Variants in ITGBL1 observed in about 807,000 individuals in gnomAD.
ITGBL1 encodes integrin beta-like protein 1.
A neutral mutation model predicts 68.5 loss-of-function variants in ITGBL1; 51 were observed. That is an observed-to-expected ratio of 0.74 (90% CI 0.59 to 0.94). The LOEUF (loss-of-function observed/expected upper bound fraction) is 0.94. Ranked by LOEUF, ITGBL1 falls within the 40% of genes least tolerant of loss-of-function variation. The pLI, the probability that ITGBL1 is intolerant of heterozygous loss-of-function variation, is 0.00. For missense variants in ITGBL1, 649 were observed against 647.4 expected (o/e 1.00, Z -0.03); for synonymous variants, 209 against 227.3 (o/e 0.92, Z 0.72).
intron 8 of ITGBL1, among the ~76,000 whole-genome samples, chr13:101,704,404 T>C (rs1465827141): frequency 6.8e-6 from 1 of 147,288 alleles, no homozygotes; most frequent in East Asian, 2.0e-4. Context: ...TAATGGATTT[T>C]TCAAGAAAGA....
intron 2 of ITGBL1, among the ~76,000 whole-genome samples, chr13:101,489,713 CTTTTA>C (rs965050992): frequency 7.2e-5 from 11 of 152,192 alleles, no homozygotes; most frequent in East Asian, 3.9e-4. Context: ...AGTTAGGGAA[CTTTTA>C]TTTTATTTTA....
chr13:101,527,821 A>G (rs2049405625), intron 2 of ITGBL1, among the ~76,000 whole-genome samples: 1 of 152,016 alleles, frequency 6.6e-6, no homozygotes, highest in Admixed American at 6.6e-5. Context: ...ATTTATATAC[A>G]TTCATTTGGA....
At chr13:101,543,988 A>G (rs1465656151) in intron 2 of ITGBL1, among the ~76,000 whole-genome samples, 1 of 152,006 alleles carries the variant, frequency 6.6e-6, no homozygotes, top group Non-Finnish European at 1.5e-5. Context: ...CTTCTTTGCC[A>G]TGGGTTCGAA....
intron 2 of ITGBL1, among the ~76,000 whole-genome samples, chr13:101,510,753 G>T (rs942458474): frequency 2.4e-4 from 36 of 151,990 alleles, no homozygotes; most frequent in African/African-American, 7.0e-4. Flanking sequence ...GATTAGTGAT[G>T]AGCATTTTTT....
chr13:101,521,672 T>C (rs551609733), intron 2 of ITGBL1, among the ~76,000 whole-genome samples: 1 of 152,204 alleles, frequency 6.6e-6, no homozygotes, highest in Non-Finnish European at 1.5e-5. Context: ...CCTGGCAGCA[T>C]GGAGAAGGCC....
At chr13:101,583,887 A>G (rs796578309) in intron 6 of ITGBL1, among the ~76,000 whole-genome samples, 1 of 152,192 alleles carries the variant, frequency 6.6e-6, no homozygotes, top group Non-Finnish European at 1.5e-5. Context: ...AAGTTAGTCT[A>G]ATTCCTCACC....
chr13:101,662,510 C>G (rs1481347267), intron 7 of ITGBL1, among the ~76,000 whole-genome samples: 1 of 152,102 alleles, frequency 6.6e-6, no homozygotes, highest in East Asian at 1.9e-4. Flanking sequence ...TATTTTCTGA[C>G]TTTTTTCCAT....
chr13:101,708,438 G>T (rs915593239), intron 9 of ITGBL1, among the ~76,000 whole-genome samples: 1 of 152,084 alleles, frequency 6.6e-6, no homozygotes, highest in Admixed American at 6.5e-5. Flanking sequence ...TGCTGGTCAG[G>T]ATGACCAGGT....
rs540747741 is a variant in ITGBL1 at position 101,689,267 on chromosome 13, A to AT, written c.1016-3316dup. ...ACACATAAGAAGCATAGTTAATTTT[A>AT]TTGTATTTGTGAAATTGTGTGAGTA... is the stretch of plus-strand genomic sequence containing the variant. On this transcript the variant is annotated intron_variant, in intron 7 of 10. Coordinates refer to ENST00000376180, the MANE Select transcript of ITGBL1 (RefSeq NM_004791.3). Among the ~76,000 whole-genome samples the AT allele has an allele frequency of 1.2e-3, 178 of 149,708 alleles. 4 individuals are homozygous for AT. The highest frequency in any genetic ancestry group is 0.011 in the Admixed American group (168 of 14,930).
intron 2 of ITGBL1, among the ~76,000 whole-genome samples, chr13:101,507,501 T>C (rs749159018): frequency 6.6e-6 from 1 of 152,184 alleles, no homozygotes; most frequent in Non-Finnish European, 1.5e-5. Context: ...AAAAAATATA[T>C]AAATTATTTG....
At chr13:101,677,860 G>A (rs983673936) in intron 7 of ITGBL1, among the ~76,000 whole-genome samples, 1 of 152,088 alleles carries the variant, frequency 6.6e-6, no homozygotes, top group South Asian at 2.1e-4. Context: ...ACAGTTCCCA[G>A]GTTCTGCATA....
intron 8 of ITGBL1, among the ~76,000 whole-genome samples, chr13:101,698,782 G>A (rs926422242): frequency 6.6e-6 from 1 of 152,194 alleles, no homozygotes; most frequent in Non-Finnish European, 1.5e-5. Flanking sequence ...GCACATGTGT[G>A]TTTAATTGTT....
rs1021835866 is a variant in ITGBL1, at chr13:101,464,049, C to T, written c.316+9949C>T. Among the ~76,000 whole-genome samples the T allele has an allele frequency of 4.6e-5, 7 of 152,078 alleles. No individual in the cohort carries two copies. In the East Asian group the frequency reaches 1.4e-3, roughly 29 times the overall value. On this transcript the variant is annotated intron_variant, in intron 2 of 10. Coordinates refer to ENST00000376180, the MANE Select transcript of ITGBL1 (RefSeq NM_004791.3). ...TCAGCCTCCTGAGTAGCAGGGACTA[C>T]AGGCGCCCATCATCACACCTGGCTA...
chr13:101,548,744 G>A (rs1038938276), intron 2 of ITGBL1, among the ~76,000 whole-genome samples: 2 of 151,446 alleles, frequency 1.3e-5, no homozygotes, highest in Admixed American at 1.3e-4. Context: ...GAAACAAAAG[G>A]ATTATTAGAA....
At chr13:101,649,436 TG>T (rs766768641) in intron 7 of ITGBL1, among the ~76,000 whole-genome samples, 2 of 152,180 alleles carry the variant, frequency 1.3e-5, no homozygotes, top group Non-Finnish European at 2.9e-5. Context: ...ATAAGGTCAA[TG>T]TAAGAAGGGT....
intron 2 of ITGBL1, among the ~76,000 whole-genome samples, chr13:101,541,868 G>T (rs2049711227): frequency 6.6e-6 from 1 of 152,044 alleles, no homozygotes; most frequent in South Asian, 2.1e-4. Context: ...ATTCTCTGAT[G>T]GTAGTTTGTG....
intron 9 of ITGBL1, among the ~76,000 whole-genome samples, chr13:101,709,269 G>A (rs1466009880): frequency 6.7e-6 from 1 of 149,788 alleles, no homozygotes; most frequent in Non-Finnish European, 1.5e-5. Context: ...GGAGGCTGAG[G>A]CAGGAGAATG....
chr13:101,716,099 G>A lies in ITGBL1; in HGVS notation c.*445G>A, dbSNP rs2034710063. The A allele has an allele frequency of 6.5e-6, 1 of 153,190 alleles. No homozygotes were observed. The highest frequency in any genetic ancestry group is 1.5e-5 in the Non-Finnish European group (1 of 68,818). The allele number at this position is 153,190 out of a possible 1,614,324, so 9.5% of individuals were successfully genotyped here. On this transcript the variant is annotated 3_prime_UTR_variant, in exon 11 of 11. Coordinates refer to ENST00000376180, the MANE Select transcript of ITGBL1 (RefSeq NM_004791.3). ...TAGGGCTCAAACTGAGAAACATTGA[G>A]TTATATGGCTATTAGAAATCCACAT...
At chr13:101,543,440 T>C (rs1173572273) in intron 2 of ITGBL1, among the ~76,000 whole-genome samples, 2 of 152,330 alleles carry the variant, frequency 1.3e-5, no homozygotes, top group South Asian at 4.1e-4. Flanking sequence ...GTTAGTCTGA[T>C]GGGCTTCCCT....
Sources: gnomAD v4.1 joint callset for allele counts (sites outside exome capture counted in the v4.1 genomes callset) on GRCh38, gnomAD v4.1.1 for gene constraint, MANE v1.5 for transcripts, NCBI Gene and HGNC (gene_info 2026-07-23, HGNC 2026-07-21) for gene names.